TMPRSS11F: variants seen among roughly 807,000 people sequenced by gnomAD.
TMPRSS11F encodes transmembrane serine protease 11F.
Under a neutral mutation model 60.2 loss-of-function variants are expected in TMPRSS11F, and 47 were observed. The observed-to-expected ratio is 0.78, with a 90% CI of 0.62 to 1.00. The LOEUF (loss-of-function observed/expected upper bound fraction) is 1.00, where lower values mean the gene tolerates loss of function less well. Ranked by LOEUF, TMPRSS11F falls within the 50% of genes least tolerant of loss-of-function variation. TMPRSS11F has a pLI of 0.00. For synonymous variants in TMPRSS11F, 166 were observed against 167.3 expected, an observed-to-expected ratio of 0.99 and a Z score of 0.06; for missense variants, 519 against 522.9, an observed-to-expected ratio of 0.99 and a Z score of 0.07.
intron 1 of TMPRSS11F, among the ~76,000 whole-genome samples, chr4:68,109,085 CA>C (rs1724357869): frequency 6.6e-6 from 1 of 152,058 alleles, no homozygotes; most frequent in Non-Finnish European, 1.5e-5. Context: ...CATGCATTCC[CA>C]AAGTTTGCAT....
intron 3 of TMPRSS11F, among the ~76,000 whole-genome samples, chr4:68,081,940 C>T (rs1250683130): frequency 6.6e-6 from 1 of 152,210 alleles, no homozygotes; most frequent in African/African-American, 2.4e-5. Context: ...TGAAAAATAA[C>T]TGAGAACTTG....
intron 1 of TMPRSS11F, among the ~76,000 whole-genome samples, chr4:68,122,621 A>T (rs1471646585): frequency 6.6e-6 from 1 of 152,198 alleles, no homozygotes. Flanking sequence ...TATGTCATTT[A>T]TTCTAATGCA....
intron 8 of TMPRSS11F, chr4:68,061,896 T>G (rs1723184974): frequency 2.4e-6 from 1 of 422,702 alleles, no homozygotes; most frequent in Non-Finnish European, 4.6e-6. Context: ...AAATGAACTT[T>G]TAAAAAAAAA....
chr4:68,102,134 G>A (rs1200594267), intron 1 of TMPRSS11F, among the ~76,000 whole-genome samples: 8 of 152,016 alleles, frequency 5.3e-5, no homozygotes, highest in African/African-American at 1.9e-4. Flanking sequence ...GCTCATCCAC[G>A]CATGGCAAAT....
intron 1 of TMPRSS11F, among the ~76,000 whole-genome samples, chr4:68,120,653 G>T (rs774244021): frequency 3.9e-5 from 6 of 152,122 alleles, no homozygotes; most frequent in Non-Finnish European, 5.9e-5. Context: ...CTCCCAAAGT[G>T]CTGGGATTAC....
At position 68,059,520 on chromosome 4, in the gene TMPRSS11F, T is replaced by C. The variant is rs61747157; in HGVS notation, c.1016-52A>G. The C allele has an allele frequency of 1.7e-3, 2,607 of 1,565,178 alleles. 42 individuals carry two copies. In the African/African-American group the frequency reaches 0.031, roughly 19 times the overall value. On this transcript the variant is annotated intron_variant, in intron 8 of 9. Coordinates refer to ENST00000356291, the MANE Select transcript of TMPRSS11F (RefSeq NM_207407.2). ...AATAAACAGTATTCCTCAAATACAA[T>C]TGTATCTAAGACATAGAAGACACAT...
intron 3 of TMPRSS11F, among the ~76,000 whole-genome samples, chr4:68,078,057 T>C (rs1421749146): frequency 6.6e-6 from 1 of 152,022 alleles, no homozygotes; most frequent in Non-Finnish European, 1.5e-5. Context: ...ACAAACCCAC[T>C]ACAGGCACAG....
At chr4:68,117,905 G>A (rs1724558793) in intron 1 of TMPRSS11F, among the ~76,000 whole-genome samples, 1 of 152,070 alleles carries the variant, frequency 6.6e-6, no homozygotes, top group South Asian at 2.1e-4. Flanking sequence ...ATATGTGAGA[G>A]ATAGTTGGGA....
At position 68,064,951 on chromosome 4, in the gene TMPRSS11F, A is replaced by G; in HGVS notation, c.756-7T>C. ...TTGAGTTGGGTCTTTATTTCTGCAA[A>G]AAATTAAAAAGTAATACTTGTGATG... On this transcript the variant is annotated splice_polypyrimidine_tract_variant and splice_region_variant and intron_variant, in intron 7 of 9. Coordinates refer to ENST00000356291, the MANE Select transcript of TMPRSS11F (RefSeq NM_207407.2). The G allele has an allele frequency of 6.2e-7, 1 of 1,605,988 alleles. No individual in the cohort carries two copies. Among genetic ancestry groups the G allele is most frequent in the Non-Finnish European group, 8.5e-7 (1 of 1,176,814 alleles).
At chr4:68,082,977 C>T (rs1285836149) in intron 3 of TMPRSS11F, among the ~76,000 whole-genome samples, 1 of 152,192 alleles carries the variant, frequency 6.6e-6, no homozygotes, top group Non-Finnish European at 1.5e-5. Flanking sequence ...GCCAGATACT[C>T]AGGAAGCAAA....
intron 7 of TMPRSS11F, among the ~76,000 whole-genome samples, chr4:68,066,090 G>A (rs1723319222): frequency 7.0e-6 from 1 of 142,510 alleles, no homozygotes; most frequent in Middle Eastern, 3.6e-3. Flanking sequence ...TTGAACTCCA[G>A]CCTGGGTGAC....
intron 1 of TMPRSS11F, among the ~76,000 whole-genome samples, chr4:68,105,049 G>GTTTTTTT (rs34041075): frequency 3.8e-4 from 21 of 55,192 alleles, no homozygotes; most frequent in Admixed American, 5.8e-4. Context: ...TTCCCTCTAG[G>GTTTTTTT]TTTTTTTTTT....
At chr4:68,058,727 G>C (rs751653080) in intron 9 of TMPRSS11F, among the ~76,000 whole-genome samples, 1 of 152,190 alleles carries the variant, frequency 6.6e-6, no homozygotes, top group Non-Finnish European at 1.5e-5. Flanking sequence ...ATGAGAGTTG[G>C]TAGACTAGGG....
At chr4:68,091,397 G>A (rs373318580) in intron 2 of TMPRSS11F, among the ~76,000 whole-genome samples, 5 of 152,024 alleles carry the variant, frequency 3.3e-5, no homozygotes, top group Middle Eastern at 3.4e-3. Context: ...GTCATATTAA[G>A]TACTTTTTGG....
At chr4:68,060,701 G>A (rs1462649404) in intron 8 of TMPRSS11F, among the ~76,000 whole-genome samples, 12 of 150,534 alleles carry the variant, frequency 8.0e-5, no homozygotes, top group African/African-American at 2.9e-4. Context: ...CTTTAATGCA[G>A]CCCTGTAAAA....
At chr4:68,058,847 A>C (rs1278760652) in intron 9 of TMPRSS11F, among the ~76,000 whole-genome samples, 2 of 152,180 alleles carry the variant, frequency 1.3e-5, no homozygotes, top group African/African-American at 4.8e-5. Flanking sequence ...GGAGTGGAGT[A>C]GTTTTTGATA....
intron 1 of TMPRSS11F, among the ~76,000 whole-genome samples, chr4:68,128,686 A>G (rs896756209): frequency 6.6e-6 from 1 of 152,096 alleles, no homozygotes; most frequent in Admixed American, 6.6e-5. Flanking sequence ...ATTTATATGA[A>G]TGTTAGTTAA....
At chr4:68,121,818 A>T (rs1432590161) in intron 1 of TMPRSS11F, among the ~76,000 whole-genome samples, 1 of 152,198 alleles carries the variant, frequency 6.6e-6, no homozygotes, top group Non-Finnish European at 1.5e-5. Context: ...AACAAAATTA[A>T]CATGTCCCAG....
intron 1 of TMPRSS11F, among the ~76,000 whole-genome samples, chr4:68,124,935 C>G (rs1029174959): frequency 7.6e-6 from 1 of 131,440 alleles, no homozygotes. Flanking sequence ...TTCTAAGTAT[C>G]TAAACCAGCA....
Sources: allele counts gnomAD v4.1 joint callset (sites outside exome capture counted in the v4.1 genomes callset), GRCh38; gene constraint gnomAD v4.1.1; transcripts MANE v1.5; gene names NCBI Gene and HGNC (gene_info 2026-07-23, HGNC 2026-07-21).